SNX1: variants seen among roughly 807,000 people sequenced by gnomAD.
The protein encoded by SNX1 is sorting nexin-1.
Under a neutral mutation model 71.8 loss-of-function variants are expected in SNX1, and 36 were observed. The observed-to-expected ratio is 0.50, with a 90% CI of 0.38 to 0.66. The LOEUF is 0.66. SNX1 is among the 30% of genes least tolerant of loss of function. The probability of loss-of-function intolerance (pLI) is 0.00; values close to 1 mark genes in which losing one functional copy is unlikely to be tolerated. For synonymous variants in SNX1, 254 were observed against 240.7 expected (o/e 1.06, Z -0.51); for missense variants, 612 against 646.7 (o/e 0.95, Z 0.58).
At position 64,138,042 on chromosome 15, in the gene SNX1, G is replaced by A; in HGVS notation, c.*424G>A. On this transcript the variant is annotated 3_prime_UTR_variant, in exon 15 of 15. Coordinates refer to ENST00000559844, the MANE Select transcript of SNX1 (RefSeq NM_003099.5). ...CAGAATGTTGGTGGTTTTTGCTTAG[G>A]CTGGGGAGCAGTTGGGAATCAGGTC... is the stretch of plus-strand genomic sequence containing the variant. 1 of 1,523,328 alleles carries A rather than the reference G, an allele frequency of 6.6e-7. No homozygotes were observed. The highest frequency in any genetic ancestry group is 1.4e-5 in the African/African-American group (1 of 72,452). The allele number at this position is 1,523,328 out of a possible 1,614,324, so 94.4% of individuals were successfully genotyped here.
chr15:64,115,665 G>A (rs2081121931), intron 2 of SNX1: 1 of 272,832 alleles, frequency 3.7e-6, no homozygotes, highest in Non-Finnish European at 7.4e-6. Flanking sequence ...CCAGGCTCAA[G>A]TGATCTTCCC....
intron 1 of SNX1, among the ~76,000 whole-genome samples, chr15:64,097,331 T>C (rs924458430): frequency 6.6e-5 from 10 of 152,228 alleles, no homozygotes; most frequent in African/African-American, 2.4e-4. Flanking sequence ...CTTTAGGAAG[T>C]TGGCCTTAAT....
chr15:64,113,281 C>A (rs1015130888), intron 2 of SNX1, among the ~76,000 whole-genome samples: 1 of 152,120 alleles, frequency 6.6e-6, no homozygotes, highest in Non-Finnish European at 1.5e-5. Context: ...ACATTTTGGG[C>A]TGGATAATTC....
chr15:64,102,317 A>G (rs1477140442), intron 1 of SNX1, among the ~76,000 whole-genome samples: 1 of 152,174 alleles, frequency 6.6e-6, no homozygotes, highest in East Asian at 1.9e-4. Flanking sequence ...GTATTTTGAT[A>G]TCTGTATACA....
In SNX1 at chr15:64,107,336, A is replaced by G. The variant is rs142805885; in HGVS notation, c.160-5237A>G. 4.5e-3 allele frequency among the ~76,000 whole-genome samples: 688 copies of G among 152,330 alleles called. 5 individuals carry two copies. The highest frequency in any genetic ancestry group is 0.015 in the African/African-American group (640 of 41,558). On this transcript the variant is annotated intron_variant, in intron 1 of 14. Transcript: ENST00000559844. Reference sequence around the variant, plus strand: ...AATGTAAGGGTTCTGTGTGGAGCAAAGAGCAGTTAAGCAACATGAGGAAGA... The same window carrying G: ...AATGTAAGGGTTCTGTGTGGAGCAAGGAGCAGTTAAGCAACATGAGGAAGA...
intron 2 of SNX1, chr15:64,115,649 G>A (rs778294849): frequency 1.4e-4 from 42 of 293,732 alleles, no homozygotes; most frequent in Non-Finnish European, 2.3e-4. Flanking sequence ...CTGCAGCCCC[G>A]ACCTCCCAGG....
At position 64,118,215 on chromosome 15, in the gene SNX1, T is replaced by A; in HGVS notation, c.370T>A (p.Ser124Thr). 1.9e-6 allele frequency: 3 copies of A among 1,613,490 alleles called. No homozygotes were observed. Among genetic ancestry groups the A allele is most frequent in the Non-Finnish European group, 2.5e-6 (3 of 1,179,846 alleles). ...TCTTCCTCCTCAGGAAGCCACAAAT[T>A]CTTCGAAGCCCCAGCCAACCTATGA... ...ISLPPQEATN[S>T]SKPQPTYEEL... The change falls in exon 3 of 15, where the codon TCT becomes ACT. Residue 124 changes from serine to threonine, a missense_variant. This residue lies in a region of SNX1 where 316 missense variants were observed against 284.9 expected (regional missense o/e 1.11). Coordinates refer to ENST00000559844, the MANE Select transcript of SNX1 (RefSeq NM_003099.5).
At chr15:64,126,550 G>A (rs1292549023) in intron 6 of SNX1, among the ~76,000 whole-genome samples, 3 of 151,918 alleles carry the variant, frequency 2.0e-5, no homozygotes, top group Non-Finnish European at 4.4e-5. Context: ...TCTTCATTTT[G>A]TTTGTTTGTT....
At chr15:64,116,703 TG>T (rs2081132957) in intron 2 of SNX1, among the ~76,000 whole-genome samples, 1 of 152,266 alleles carries the variant, frequency 6.6e-6, no homozygotes, top group Non-Finnish European at 1.5e-5. Flanking sequence ...TTATGTTTTC[TG>T]TTACTAAAAA....
chr15:64,112,810 G>A, intron 2 of SNX1, 126 bp downstream of exon 2: 1 of 571,552 alleles, frequency 1.7e-6, no homozygotes, highest in Non-Finnish European at 3.0e-6. Flanking sequence ...TACTTTTGTG[G>A]AGGATTCCAA....
At chr15:64,124,909 C>T (rs1330122276) in intron 5 of SNX1, among the ~76,000 whole-genome samples, 1 of 152,126 alleles carries the variant, frequency 6.6e-6, no homozygotes, top group Non-Finnish European at 1.5e-5. Context: ...TTAAATTTTG[C>T]CTATCTGGTG....
intron 7 of SNX1, 106 bp downstream of exon 7, chr15:64,127,358 A>G (rs2081264541): frequency 2.2e-6 from 2 of 888,984 alleles, no homozygotes; most frequent in East Asian, 5.3e-5. Flanking sequence ...TGAAACGTGA[A>G]TAAATTGAAG....
intron 11 of SNX1, among the ~76,000 whole-genome samples, chr15:64,132,648 CTG>C (rs2081318899): frequency 6.6e-6 from 1 of 152,210 alleles, no homozygotes; most frequent in African/African-American, 2.4e-5. Context: ...GGGCCTAAGT[CTG>C]TCCTTGATTT....
At chr15:64,102,750 T>C (rs1290501029) in intron 1 of SNX1, among the ~76,000 whole-genome samples, 1 of 146,940 alleles carries the variant, frequency 6.8e-6, no homozygotes, top group Non-Finnish European at 1.5e-5. Flanking sequence ...TTTGTATATA[T>C]ACCACGCCTT....
At chr15:64,112,758 CCAAA>C in intron 2 of SNX1, 74 bp downstream of exon 2, 1 of 803,570 alleles carries the variant, frequency 1.2e-6, no homozygotes, top group Non-Finnish European at 1.9e-6. Context: ...AAAGTCAAAA[CCAAA>C]AAAAAAAAAA....
intron 10 of SNX1, among the ~76,000 whole-genome samples, chr15:64,131,386 G>GT (rs1273240121): frequency 3.9e-5 from 6 of 152,148 alleles, no homozygotes; most frequent in African/African-American, 1.4e-4. Flanking sequence ...TCTTTGGCCT[G>GT]TTTGTTATTT....
chr15:64,132,387 G>A (rs1477679513), intron 11 of SNX1: 1 of 167,112 alleles, frequency 6.0e-6, no homozygotes, highest in Admixed American at 5.7e-5. Flanking sequence ...ATTGCATGGA[G>A]GAGTGCGGCC....
intron 1 of SNX1, among the ~76,000 whole-genome samples, chr15:64,099,126 A>T (rs770174188): frequency 6.6e-6 from 1 of 152,228 alleles, no homozygotes; most frequent in Non-Finnish European, 1.5e-5. Context: ...AAAGAACAAC[A>T]TTGAAGAATT....
At position 64,127,747 on chromosome 15, in the gene SNX1, G is replaced by A. The variant is rs755383058; in HGVS notation, c.748G>A (p.Val250Ile). The change falls in exon 8 of 15, where the codon GTA becomes ATA. Residue 250 changes from valine to isoleucine, a missense_variant. By Grantham distance (29) the Val-to-Ile change is conservative. Transcript: ENST00000559844. The part of the protein sequence containing the change: ...AALERYLQRI[V>I]NHPTMLQDPD... The stretch of plus-strand genomic sequence containing the variant: ...ACCTTTTAGGTACCTTCAGAGGATT[G>A]TAAATCATCCTACCATGTTACAGGA... The A allele has an allele frequency of 5.0e-6, 8 of 1,613,746 alleles. No homozygotes were observed. The East Asian group carries it at 8.9e-5, about 18-fold the overall frequency.
Sources: gnomAD v4.1 joint callset for allele counts (sites outside exome capture counted in the v4.1 genomes callset) on GRCh38, gnomAD v4.1.1 for gene constraint, gnomAD v4.1.1 regional missense constraint, MANE v1.5 for transcripts, NCBI Gene and HGNC (gene_info 2026-07-23, HGNC 2026-07-21) for gene names.